SUSD3: variants seen among roughly 807,000 people sequenced by gnomAD.
The protein encoded by SUSD3 is sushi domain-containing protein 3.
In SUSD3, 18 loss-of-function variants were observed where a neutral mutation model predicts 20.6. The ratio of observed to expected loss-of-function variants is 0.87; its 90% confidence interval spans 0.60 to 1.30. The LOEUF (loss-of-function observed/expected upper bound fraction) is 1.30, where lower values mean the gene tolerates loss of function less well. Ranked by LOEUF, SUSD3 falls within the 50% of genes most tolerant of loss-of-function variation. The pLI is 0.00. For synonymous variants in SUSD3, 137 were observed against 141.5 expected (o/e 0.97, Z 0.23); for missense variants, 306 against 346.9 (o/e 0.88, Z 0.94).
intron 1 of SUSD3, among the ~76,000 whole-genome samples, chr9:93,061,328 G>A (rs1825498053): frequency 6.6e-6 from 1 of 152,262 alleles, no homozygotes; most frequent in African/African-American, 2.4e-5. Context: ...GTGAATGCAT[G>A]TGTAAATCAA....
intron 1 of SUSD3, among the ~76,000 whole-genome samples, chr9:93,074,219 C>G (rs1352632893): frequency 6.6e-6 from 1 of 151,768 alleles, no homozygotes; most frequent in Non-Finnish European, 1.5e-5. Context: ...CCAAGGCGGC[C>G]GGATCACGAG....
intron 4 of SUSD3, among the ~76,000 whole-genome samples, chr9:93,084,235 CTGAA>C (rs1209356016): frequency 6.6e-6 from 1 of 152,102 alleles, no homozygotes; most frequent in Admixed American, 6.5e-5. Context: ...TCTGCACACT[CTGAA>C]TGAGCCCCAG....
intron 1 of SUSD3, among the ~76,000 whole-genome samples, chr9:93,063,585 A>G (rs1401910013): frequency 6.6e-6 from 1 of 152,168 alleles, no homozygotes; most frequent in Non-Finnish European, 1.5e-5. Context: ...AAGAGAGGCC[A>G]CAGGAACATG....
At chr9:93,080,022 G>A (rs1313945853) in intron 4 of SUSD3, among the ~76,000 whole-genome samples, 4 of 152,052 alleles carry the variant, frequency 2.6e-5, no homozygotes, top group African/African-American at 9.7e-5. Context: ...TTCTTTTTCT[G>A]AGTCCAGAAA....
intron 1 of SUSD3, among the ~76,000 whole-genome samples, chr9:93,065,085 T>A (rs1294030265): frequency 6.6e-6 from 1 of 152,186 alleles, no homozygotes; most frequent in Non-Finnish European, 1.5e-5. Context: ...TGGCCACCCC[T>A]TCCCTGGGAC....
At chr9:93,077,703 C>G (rs1826222656) in intron 2 of SUSD3, 143 bp from the exon 3 acceptor site, 1 of 761,644 alleles carries the variant, frequency 1.3e-6, no homozygotes, top group Admixed American at 2.7e-5. Context: ...TGCCCCCTTA[C>G]CATGCAAACA....
chr9:93,062,962 C>G (rs1282355234), intron 1 of SUSD3, among the ~76,000 whole-genome samples: 1 of 152,194 alleles, frequency 6.6e-6, no homozygotes, highest in Non-Finnish European at 1.5e-5. Context: ...GCTGTGAATC[C>G]TATGGAAAGG....
At chr9:93,078,420 G>A (rs988087365) in intron 3 of SUSD3, among the ~76,000 whole-genome samples, 3 of 152,010 alleles carry the variant, frequency 2.0e-5, no homozygotes, top group Admixed American at 6.6e-5. Context: ...CACCACACTC[G>A]GCTAATTTTT....
At chr9:93,069,127 T>C in intron 1 of SUSD3, 1 of 702,820 alleles carries the variant, frequency 1.4e-6, no homozygotes, top group Non-Finnish European at 2.6e-6. Flanking sequence ...TGTGATGGAA[T>C]GGGAAATTCC....
chr9:93,060,351 A>G (rs559399941), intron 1 of SUSD3, among the ~76,000 whole-genome samples: 1 of 152,128 alleles, frequency 6.6e-6, no homozygotes, highest in African/African-American at 2.4e-5. Context: ...TCCCCACTGT[A>G]TACCTGCCCC....
chr9:93,071,726 T>C (rs547222851), intron 1 of SUSD3, among the ~76,000 whole-genome samples: 106 of 152,324 alleles, frequency 7.0e-4, no homozygotes, highest in African/African-American at 2.5e-3. Flanking sequence ...TCACACCTCA[T>C]TGGCCAGGTT....
intron 1 of SUSD3, 23 bp downstream of exon 1, chr9:93,058,853 C>A: frequency 8.1e-7 from 1 of 1,240,926 alleles, no homozygotes. Flanking sequence ...GCCGAGTGGC[C>A]GCGTGCGGGG....
chr9:93,078,025 C>T lies in SUSD3; in HGVS notation c.425+32C>T, dbSNP rs184778161. ...TGGCCTCATGATCTCAGGGTCCTCC[C>T]GGGAGGCGCCTCTTGGCACCATGGG... is the stretch of plus-strand genomic sequence containing the variant. On this transcript the variant is annotated intron_variant, in intron 3 of 4. Coordinates refer to ENST00000375472, the MANE Select transcript of SUSD3 (RefSeq NM_145006.4). 1.1e-4 allele frequency: 172 copies of T among 1,613,582 alleles called. 2 individuals are homozygous for T. Among genetic ancestry groups the T allele is most frequent in the Admixed American group, 2.8e-4 (17 of 59,996 alleles).
At chr9:93,068,221 T>C (rs913900545) in intron 1 of SUSD3, among the ~76,000 whole-genome samples, 1 of 152,210 alleles carries the variant, frequency 6.6e-6, no homozygotes, top group Non-Finnish European at 1.5e-5. Context: ...TGAAGTCCTG[T>C]TTTTATTTTT....
At chr9:93,080,318 C>CA (rs56134136) in intron 4 of SUSD3, among the ~76,000 whole-genome samples, 6,873 of 55,976 alleles carry the variant, frequency 0.12, 434 homozygotes, top group Non-Finnish European at 0.2. Flanking sequence ...GACTCCGTCT[C>CA]AAAAAAAAAA....
At chr9:93,060,904 C>T (rs1306136478) in intron 1 of SUSD3, among the ~76,000 whole-genome samples, 1 of 152,152 alleles carries the variant, frequency 6.6e-6, no homozygotes, top group Non-Finnish European at 1.5e-5. Context: ...TAAAATGGGG[C>T]CATTACCACT....
intron 2 of SUSD3, among the ~76,000 whole-genome samples, chr9:93,077,560 C>A (rs4461963): frequency 1.3e-5 from 2 of 152,042 alleles, no homozygotes; most frequent in South Asian, 4.2e-4. Context: ...TTAAATACCC[C>A]CTTTAAATAG....
At chr9:93,072,078 T>C (rs60671060) in intron 1 of SUSD3, among the ~76,000 whole-genome samples, 37,756 of 152,036 alleles carry the variant, frequency 0.25, 6,061 homozygotes, top group African/African-American at 0.46. Flanking sequence ...AGGGCTATAA[T>C]GCAGTACAGC....
intron 1 of SUSD3, among the ~76,000 whole-genome samples, chr9:93,062,221 A>G (rs140926205): frequency 3.0e-4 from 46 of 152,320 alleles, no homozygotes; most frequent in Non-Finnish European, 6.3e-4. Flanking sequence ...CAGGCATCAC[A>G]CAGGTGTGGC....
Sources: gnomAD v4.1 joint callset for allele counts (sites outside exome capture counted in the v4.1 genomes callset) on GRCh38, gnomAD v4.1.1 for gene constraint, MANE v1.5 for transcripts, NCBI Gene and HGNC (gene_info 2026-07-23, HGNC 2026-07-21) for gene names.